BMS1: variants seen among roughly 807,000 people sequenced by gnomAD.
BMS1 encodes the protein ribosome biogenesis protein BMS1 homolog.
In BMS1, 53 loss-of-function variants were observed where a neutral mutation model predicts 138.7. That is an observed-to-expected ratio of 0.38 (90% CI 0.31 to 0.48). The LOEUF is 0.48. Ranked by LOEUF, BMS1 falls within the 20% of genes least tolerant of loss-of-function variation. BMS1 has a pLI of 0.97. For missense variants in BMS1, 1,360 were observed against 1,565.5 expected (o/e 0.87, Z 2.22); for synonymous variants, 504 against 539.9 (o/e 0.93, Z 0.92).
chr10:42,788,755 G>A (rs1029928940), intron 4 of BMS1, among the ~76,000 whole-genome samples: 1 of 152,046 alleles, frequency 6.6e-6, no homozygotes, highest in African/African-American at 2.4e-5. Flanking sequence ...TGTAATGCAG[G>A]GTGCACACAA....
intron 21 of BMS1, among the ~76,000 whole-genome samples, chr10:42,829,861 G>T (rs1210024611): frequency 6.6e-6 from 1 of 152,136 alleles, no homozygotes; most frequent in Non-Finnish European, 1.5e-5. Context: ...CAGAGTGGTT[G>T]ATAGTCAAGA....
intron 15 of BMS1, among the ~76,000 whole-genome samples, chr10:42,819,557 C>T (rs1211724910): frequency 6.6e-6 from 1 of 152,152 alleles, no homozygotes; most frequent in Non-Finnish European, 1.5e-5. Flanking sequence ...AATCAGGAAA[C>T]AGCCATCAGC....
intron 13 of BMS1, among the ~76,000 whole-genome samples, chr10:42,814,820 G>A (rs1842294250): frequency 2.6e-5 from 4 of 152,178 alleles, no homozygotes; most frequent in Admixed American, 6.5e-5. Flanking sequence ...GGTGGGGAGT[G>A]GTGGTTGTCT....
intron 21 of BMS1, among the ~76,000 whole-genome samples, chr10:42,824,252 T>C (rs1842579857): frequency 6.6e-6 from 1 of 152,220 alleles, no homozygotes; most frequent in Non-Finnish European, 1.5e-5. Flanking sequence ...ATCCTACATG[T>C]CTGCTACTTT....
At chr10:42,783,541 T>C (rs979474847) in intron 1 of BMS1, among the ~76,000 whole-genome samples, 1 of 152,170 alleles carries the variant, frequency 6.6e-6, no homozygotes, top group African/African-American at 2.4e-5. Context: ...CTTAATTGAA[T>C]GAAATGGCAT....
chr10:42,797,063 TCA>T lies in BMS1; in HGVS notation c.1820_1821del (p.Ser607Ter). ...CTCACTCAGTGCAGAGGAAGAAGAC[TCA>T]GAAAATGAAGAGGCTATTAGAAAAA... ...SSSLSAEEED[S>X]ENEEAIRKKL... On this transcript the variant is annotated frameshift_variant, in exon 10 of 23. Transcript: ENST00000374518. LOFTEE classifies it high-confidence loss of function. 1 of 1,614,090 alleles carries T rather than the reference TCA, an allele frequency of 6.2e-7. No homozygotes were observed. The highest frequency in any genetic ancestry group is 8.5e-7 in the Non-Finnish European group (1 of 1,180,014).
intron 13 of BMS1, among the ~76,000 whole-genome samples, chr10:42,808,180 A>G (rs758361018): frequency 9.2e-5 from 14 of 152,090 alleles, no homozygotes; most frequent in Non-Finnish European, 1.3e-4. Context: ...GTTTAACTCC[A>G]TCGTCGGATG....
At chr10:42,807,057 CGT>C (rs751951217) in intron 13 of BMS1, among the ~76,000 whole-genome samples, 3 of 151,722 alleles carry the variant, frequency 2.0e-5, no homozygotes, top group Non-Finnish European at 2.9e-5. Flanking sequence ...GTGTGTTTTA[CGT>C]GTGTGTGTGT....
At position 42,797,064 on chromosome 10, in the gene BMS1, C is replaced by T; in HGVS notation, c.1820C>T (p.Ser607Leu). 2 of 1,614,148 alleles carry T rather than the reference C, an allele frequency of 1.2e-6. No individual in the cohort carries two copies. The highest frequency in any genetic ancestry group is 1.7e-6 in the Non-Finnish European group (2 of 1,180,034). ...TCACTCAGTGCAGAGGAAGAAGACT[C>T]AGAAAATGAAGAGGCTATTAGAAAA... The part of the protein sequence containing the change: ...SSSLSAEEED[S>L]ENEEAIRKKL... The change falls in exon 10 of 23, where the codon TCA becomes TTA. Residue 607 changes from serine (S) to leucine (L), a missense_variant. Coordinates refer to ENST00000374518, the MANE Select transcript of BMS1 (RefSeq NM_014753.4).
chr10:42,817,249 A>G (rs1270648741), intron 14 of BMS1, 69 bp from the exon 15 acceptor site: 1 of 1,232,412 alleles, frequency 8.1e-7, no homozygotes, highest in Admixed American at 2.8e-5. Flanking sequence ...ATAGAACTTT[A>G]AAAAAGCTAA....
At chr10:42,807,893 G>A (rs1842057215) in intron 13 of BMS1, among the ~76,000 whole-genome samples, 2 of 152,174 alleles carry the variant, frequency 1.3e-5, no homozygotes, top group Non-Finnish European at 2.9e-5. Context: ...TGGGCCATTT[G>A]ATGTTTCTAC....
At chr10:42,810,008 GTCTTGGCTTCAAGGGAAC>G (rs1317949736) in intron 13 of BMS1, among the ~76,000 whole-genome samples, 14 of 145,744 alleles carry the variant, frequency 9.6e-5, no homozygotes, top group Non-Finnish European at 1.8e-4. Context: ...GCCCAGGCTG[GTCTTGGCTTCAAGGGAAC>G]TCTTGGCTTC....
intron 13 of BMS1, among the ~76,000 whole-genome samples, chr10:42,813,352 T>A (rs1003927045): frequency 1.3e-5 from 2 of 152,202 alleles, no homozygotes; most frequent in Non-Finnish European, 2.9e-5. Flanking sequence ...GTTTCCTTTT[T>A]CTTTCCCTCC....
intron 13 of BMS1, among the ~76,000 whole-genome samples, chr10:42,808,574 C>T (rs1490230289): frequency 6.6e-6 from 1 of 152,128 alleles, no homozygotes; most frequent in Non-Finnish European, 1.5e-5. Flanking sequence ...GCTGGGATTA[C>T]AGGCGTGAGC....
In BMS1 at chr10:42,830,428, G is replaced by C. The variant is rs1409855145; in HGVS notation, c.3618+6G>C. ...GCGAGCCTCATGAAAGAAAGGTACT[G>C]TTGCCCATGCTGTACTGCACGCTGC... On this transcript the variant is annotated splice_donor_region_variant and intron_variant, in intron 22 of 22. Transcript: ENST00000374518. 6.2e-7 allele frequency: 1 copy of C among 1,606,142 alleles called. No individual in the cohort carries two copies. Among genetic ancestry groups the C allele is most frequent in the East Asian group, 2.2e-5 (1 of 44,846 alleles).
intron 9 of BMS1, among the ~76,000 whole-genome samples, chr10:42,795,964 A>G (rs918083931): frequency 6.6e-6 from 1 of 152,154 alleles, no homozygotes; most frequent in Admixed American, 6.6e-5. Flanking sequence ...CCTGATGCCT[A>G]TGCTGGCCCA....
chr10:42,831,211 A>C lies in BMS1; in HGVS notation c.*115A>C, dbSNP rs1588767100. On this transcript the variant is annotated 3_prime_UTR_variant, in exon 23 of 23. Coordinates refer to ENST00000374518, the MANE Select transcript of BMS1 (RefSeq NM_014753.4). ...GGGAAAGAGCTCAAGAGATGTCTCTACTCAAACTGTGCCTGCAGGAGGAGG... is the reference window on the plus strand; with the variant it reads ...GGGAAAGAGCTCAAGAGATGTCTCTCCTCAAACTGTGCCTGCAGGAGGAGG... The C allele has an allele frequency of 9.0e-7, 1 of 1,115,116 alleles. No homozygotes were observed. The highest frequency in any genetic ancestry group is 2.6e-5 in the East Asian group (1 of 38,560). 69.1% of individuals were successfully genotyped at this position (1,115,116 alleles called of 1,614,324 possible).
At chr10:42,830,491 C>T (rs1588766004) in intron 22 of BMS1, 69 bp downstream of exon 22, 18 of 1,529,306 alleles carry the variant, frequency 1.2e-5, no homozygotes, top group Admixed American at 9.0e-5. Flanking sequence ...TAGCACACTT[C>T]CTGTTTCTAC....
chr10:42,828,430 G>A (rs1156267933), intron 21 of BMS1, among the ~76,000 whole-genome samples: 7 of 152,076 alleles, frequency 4.6e-5, no homozygotes, highest in Admixed American at 1.3e-4. Flanking sequence ...AGGTACGGAG[G>A]GGCACACACA....
Sources: gnomAD v4.1 joint callset for allele counts (sites outside exome capture counted in the v4.1 genomes callset) on GRCh38, gnomAD v4.1.1 for gene constraint, MANE v1.5 for transcripts, NCBI Gene and HGNC (gene_info 2026-07-23, HGNC 2026-07-21) for gene names.